Variants in CDK14 observed in about 807,000 individuals in gnomAD.
The protein encoded by CDK14 is cyclin dependent kinase 14, also known as cyclin-dependent kinase 14.
A neutral mutation model predicts 60.7 loss-of-function variants in CDK14; 34 were observed. The ratio of observed to expected loss-of-function variants is 0.56; its 90% CI spans 0.43 to 0.75. The LOEUF (loss-of-function observed/expected upper bound fraction) is 0.75. CDK14 is among the 30% of genes least tolerant of loss of function. The pLI is 0.00. For synonymous variants in CDK14, 197 were observed against 203.7 expected (o/e 0.97, Z 0.28); for missense variants, 482 against 564.1 (o/e 0.85, Z 1.47).
intron 4 of CDK14, among the ~76,000 whole-genome samples, chr7:90,772,368 G>T (rs552936790): frequency 1.3e-5 from 2 of 152,200 alleles, no homozygotes; most frequent in African/African-American, 2.4e-5. Flanking sequence ...TACAAGGAAG[G>T]TGTGTGCTTA....
chr7:90,712,789 T>C (rs890591435), intron 2 of CDK14, among the ~76,000 whole-genome samples: 1 of 152,148 alleles, frequency 6.6e-6, no homozygotes, highest in Non-Finnish European at 1.5e-5. Context: ...CTTTTGTCAT[T>C]ATTAACATTT....
intron 2 of CDK14, among the ~76,000 whole-genome samples, chr7:90,620,125 G>C (rs1033946246): frequency 6.6e-6 from 1 of 152,174 alleles, no homozygotes; most frequent in African/African-American, 2.4e-5. Flanking sequence ...ATGTATCAAT[G>C]TATAGTATTT....
At chr7:90,691,476 A>C (rs10254757) in intron 2 of CDK14, among the ~76,000 whole-genome samples, 90,728 of 151,770 alleles carry the variant, frequency 0.6, 27,368 homozygotes, top group East Asian at 0.77. Flanking sequence ...AATGGCAAGG[A>C]GGCTGTTGTG....
At chr7:90,974,912 C>T (rs929375785) in intron 9 of CDK14, among the ~76,000 whole-genome samples, 7 of 152,096 alleles carry the variant, frequency 4.6e-5, no homozygotes, top group Non-Finnish European at 7.4e-5. Flanking sequence ...TTGACCTAAC[C>T]CTATTTCATT....
At chr7:90,950,216 A>G (rs1794216153) in intron 8 of CDK14, among the ~76,000 whole-genome samples, 1 of 152,064 alleles carries the variant, frequency 6.6e-6, no homozygotes, top group Non-Finnish European at 1.5e-5. Flanking sequence ...ACCTGGGATT[A>G]CAGGCGCGTG....
chr7:91,209,367 C>G lies in CDK14; in HGVS notation c.*2231C>G, dbSNP rs1369047118. 6.6e-6 allele frequency: 1 copy of G among 151,428 alleles called. No homozygotes were observed. Among genetic ancestry groups the G allele is most frequent in the Non-Finnish European group, 1.5e-5 (1 of 67,946 alleles). 9.4% of individuals were successfully genotyped at this position (151,428 alleles called of 1,614,324 possible). A position where few individuals can be genotyped will look rare whatever the true frequency, so the allele number is the denominator to read the frequency against. ...AGGTTTTGAGTACCTATCCTTGCCACCCATACAGGAAATCCAAAGTTTGGT... is the reference window on the plus strand; with the variant it reads ...AGGTTTTGAGTACCTATCCTTGCCAGCCATACAGGAAATCCAAAGTTTGGT... On this transcript the variant is annotated 3_prime_UTR_variant, in exon 15 of 15. Coordinates refer to ENST00000380050, the MANE Select transcript of CDK14 (RefSeq NM_001287135.2).
intron 11 of CDK14, among the ~76,000 whole-genome samples, chr7:91,061,643 G>A (rs982289013): frequency 2.0e-5 from 3 of 152,342 alleles, no homozygotes; most frequent in Middle Eastern, 3.4e-3. Context: ...CTGCAGGTCT[G>A]TTGAGGTTTG....
At chr7:90,859,549 CTT>C (rs1584054140) in intron 5 of CDK14, among the ~76,000 whole-genome samples, 1 of 151,930 alleles carries the variant, frequency 6.6e-6, no homozygotes, top group Non-Finnish European at 1.5e-5. Flanking sequence ...GGGTAAATCT[CTT>C]TTATTTTTTA....
chr7:90,878,945 A>G lies in CDK14; in HGVS notation c.639+15676A>G, dbSNP rs138498105. ...AGTATTGACAGTGAAGAAACAAATG[A>G]GTAGTATTTGCCTAATGTAGAAGAC... is the stretch of plus-strand genomic sequence containing the variant. On this transcript the variant is annotated intron_variant, in intron 6 of 14. Coordinates refer to ENST00000380050, the MANE Select transcript of CDK14 (RefSeq NM_001287135.2). Among the ~76,000 whole-genome samples the G allele has an allele frequency of 7.0e-4, 106 of 152,346 alleles. No homozygotes were observed. The East Asian group carries it at 0.018, about 25-fold the overall frequency.
At chr7:90,670,565 C>T (rs886939885) in intron 2 of CDK14, among the ~76,000 whole-genome samples, 9 of 152,134 alleles carry the variant, frequency 5.9e-5, no homozygotes, top group African/African-American at 2.2e-4. Flanking sequence ...TCCTTGGCTT[C>T]TGGGGAGGCC....
intron 14 of CDK14, among the ~76,000 whole-genome samples, chr7:91,163,709 C>G (rs984007192): frequency 6.6e-6 from 1 of 152,126 alleles, no homozygotes; most frequent in African/African-American, 2.4e-5. Context: ...ACTTATTTCT[C>G]TTGTCCAGTT....
intron 4 of CDK14, among the ~76,000 whole-genome samples, chr7:90,785,597 A>G (rs1344575574): frequency 3.3e-5 from 5 of 152,060 alleles, no homozygotes; most frequent in African/African-American, 1.2e-4. Flanking sequence ...GATCCTGGCT[A>G]ACACGGTGAA....
intron 14 of CDK14, among the ~76,000 whole-genome samples, chr7:91,134,805 G>A (rs1373758542): frequency 6.6e-6 from 1 of 150,508 alleles, no homozygotes; most frequent in African/African-American, 2.5e-5. Flanking sequence ...AGCCTAGGAG[G>A]CAGAGGTTAC....
chr7:91,102,981 C>T (rs565080021), intron 12 of CDK14, among the ~76,000 whole-genome samples: 3 of 152,200 alleles, frequency 2.0e-5, no homozygotes, highest in South Asian at 2.1e-4. Flanking sequence ...CGGCCGGGTG[C>T]GATAGTTCAC....
At chr7:91,088,569 ATGTGTGTGTGTG>A (rs35277214) in intron 12 of CDK14, among the ~76,000 whole-genome samples, 4 of 149,506 alleles carry the variant, frequency 2.7e-5, no homozygotes, top group Non-Finnish European at 6.0e-5. Context: ...GTTTATATAT[ATGTGTGTGTGTG>A]TGTGTGTGTG....
At chr7:90,646,958 T>C (rs942793080) in intron 2 of CDK14, among the ~76,000 whole-genome samples, 4 of 152,168 alleles carry the variant, frequency 2.6e-5, no homozygotes, top group Non-Finnish European at 5.9e-5. Context: ...ATGAACTGAC[T>C]CACACCCTCA....
intron 12 of CDK14, among the ~76,000 whole-genome samples, chr7:91,112,165 TATTA>T (rs1323696123): frequency 1.3e-5 from 2 of 152,208 alleles, no homozygotes; most frequent in Non-Finnish European, 2.9e-5. Flanking sequence ...TAGTATTTGT[TATTA>T]ATTTTCTATA....
At chr7:90,625,057 C>A (rs1345976281) in intron 2 of CDK14, among the ~76,000 whole-genome samples, 1 of 152,138 alleles carries the variant, frequency 6.6e-6, no homozygotes, top group Admixed American at 6.5e-5. Flanking sequence ...ATAGTAAATT[C>A]TCTACTAAAA....
intron 10 of CDK14, among the ~76,000 whole-genome samples, chr7:90,992,845 A>G (rs1285493053): frequency 6.6e-6 from 1 of 152,176 alleles, no homozygotes; most frequent in African/African-American, 2.4e-5. Context: ...GGAACATTAA[A>G]TTTCTGTATA....
Sources: allele counts gnomAD v4.1 joint callset (sites outside exome capture counted in the v4.1 genomes callset), GRCh38; gene constraint gnomAD v4.1.1; transcripts MANE v1.5; gene names NCBI Gene and HGNC (gene_info 2026-07-23, HGNC 2026-07-21).